PTPRJ: variants seen among roughly 807,000 people sequenced by gnomAD.
PTPRJ encodes protein tyrosine phosphatase receptor type J.
A neutral mutation model predicts 141.3 loss-of-function variants in PTPRJ; 129 were observed. That is an observed-to-expected ratio of 0.91 (90% CI 0.79 to 1.06). The LOEUF is 1.06. PTPRJ is among the 50% of genes least tolerant of loss of function. The pLI, the probability that PTPRJ is intolerant of heterozygous loss-of-function variation, is 0.00. For synonymous variants in PTPRJ, 610 were observed against 640.5 expected (o/e 0.95, Z 0.72); for missense variants, 1,601 against 1,679.7 (o/e 0.95, Z 0.82).
intron 1 of PTPRJ, among the ~76,000 whole-genome samples, chr11:48,102,979 C>T (rs191542337): frequency 9.9e-5 from 15 of 152,130 alleles, no homozygotes; most frequent in African/African-American, 2.4e-4. Context: ...GTTGCTAGAC[C>T]ATTCTGGGAC....
At chr11:48,046,906 ATATATATTTTTTTTTTT>A (rs1304773141) in intron 1 of PTPRJ, among the ~76,000 whole-genome samples, 1 of 84,294 alleles carries the variant, frequency 1.2e-5, no homozygotes, top group African/African-American at 8.7e-5. Context: ...ATATATATAT[ATATATATTTTTTTTTTT>A]TTTTTTTTTT....
At chr11:48,156,573 AGG>A (rs757557480) in intron 21 of PTPRJ, among the ~76,000 whole-genome samples, 1 of 24,832 alleles carries the variant, frequency 4.0e-5, no homozygotes, top group Admixed American at 3.6e-4. Context: ...CCTCCACCCC[AGG>A]GTTTTTTTTT....
intron 1 of PTPRJ, among the ~76,000 whole-genome samples, chr11:48,105,405 G>C (rs1033754199): frequency 7.2e-5 from 11 of 152,148 alleles, no homozygotes; most frequent in African/African-American, 2.7e-4. Context: ...AGCCTGGAGA[G>C]CTCCTAGGGG....
intron 1 of PTPRJ, among the ~76,000 whole-genome samples, chr11:47,983,613 C>T (rs13328902): frequency 0.016 from 2,510 of 152,266 alleles, 70 homozygotes; most frequent in African/African-American, 0.057. Context: ...GAGATGATTC[C>T]AACATGAGGA....
At chr11:48,045,610 G>A (rs899575785) in intron 1 of PTPRJ, among the ~76,000 whole-genome samples, 6 of 152,296 alleles carry the variant, frequency 3.9e-5, no homozygotes, top group South Asian at 2.1e-4. Context: ...CCCGCCTGTG[G>A]TTTTGAGCCC....
chr11:48,016,652 T>C (rs1261976373), intron 1 of PTPRJ, among the ~76,000 whole-genome samples: 4 of 152,180 alleles, frequency 2.6e-5, no homozygotes, highest in Non-Finnish European at 5.9e-5. Context: ...ATTTCTGCCC[T>C]GCCAGCCTCA....
chr11:48,082,175 G>C (rs778569730), intron 1 of PTPRJ, among the ~76,000 whole-genome samples: 3 of 152,226 alleles, frequency 2.0e-5, no homozygotes, highest in Non-Finnish European at 4.4e-5. Context: ...GCGATATGAG[G>C]AGCAGGGCAT....
At chr11:48,044,158 C>G (rs1854334883) in intron 1 of PTPRJ, among the ~76,000 whole-genome samples, 1 of 152,246 alleles carries the variant, frequency 6.6e-6, no homozygotes, top group African/African-American at 2.4e-5. Flanking sequence ...TGGCCTTGGC[C>G]CGCACAGCCT....
At chr11:48,116,170 C>T (rs1856562836) in intron 3 of PTPRJ, among the ~76,000 whole-genome samples, 1 of 151,518 alleles carries the variant, frequency 6.6e-6, no homozygotes, top group African/African-American at 2.4e-5. Context: ...ATGCTGTCTA[C>T]AAGAGACTCA....
chr11:48,017,606 AG>A (rs1271686120), intron 1 of PTPRJ, among the ~76,000 whole-genome samples: 1 of 152,160 alleles, frequency 6.6e-6, no homozygotes, highest in Non-Finnish European at 1.5e-5. Flanking sequence ...GTAGCATCTG[AG>A]GGCTAGCCAC....
intron 1 of PTPRJ, among the ~76,000 whole-genome samples, chr11:48,059,618 A>T (rs116602144): frequency 0.06 from 9,118 of 152,260 alleles, 751 homozygotes; most frequent in African/African-American, 0.19. Context: ...TGCACCTGGG[A>T]TAGAGCAGGA....
intron 1 of PTPRJ, among the ~76,000 whole-genome samples, chr11:48,069,562 G>A (rs369150055): frequency 1.7e-4 from 25 of 148,536 alleles, no homozygotes; most frequent in African/African-American, 5.5e-4. Flanking sequence ...CCATTCTCCT[G>A]CCTCAGCCTC....
rs532319660 is a variant in PTPRJ at position 48,062,339 on chromosome 11, C to A, written c.97-47719C>A. 1.1e-3 allele frequency among the ~76,000 whole-genome samples: 162 copies of A among 152,100 alleles called. 1 individual carries two copies. Among genetic ancestry groups the A allele is most frequent in the African/African-American group, 3.7e-3 (153 of 41,506 alleles). ...CCATCCTGGCTAAAACGGTGAAACC[C>A]CGTCTCTACTAAAAATACAAATAAT... On this transcript the variant is annotated intron_variant, in intron 1 of 24. Transcript: ENST00000418331.
intron 1 of PTPRJ, among the ~76,000 whole-genome samples, chr11:48,085,259 CTTT>C (rs35669006): frequency 2.2e-3 from 326 of 147,066 alleles, no homozygotes; most frequent in African/African-American, 4.7e-3. Flanking sequence ...ATCTCTCTCA[CTTT>C]TTTTTTTTTT....
intron 1 of PTPRJ, among the ~76,000 whole-genome samples, chr11:48,008,660 G>T (rs553183416): frequency 9.9e-5 from 15 of 151,700 alleles, no homozygotes; most frequent in African/African-American, 3.6e-4. Context: ...CGCCTCCCAG[G>T]TTCAAGCGAT....
At chr11:48,090,483 G>A (rs913562901) in intron 1 of PTPRJ, among the ~76,000 whole-genome samples, 3 of 152,128 alleles carry the variant, frequency 2.0e-5, no homozygotes, top group African/African-American at 7.2e-5. Context: ...GGTCAGAGCC[G>A]AGCACAGTGG....
chr11:47,995,552 A>ACAGAAAACAAGAG (rs1480102661), intron 1 of PTPRJ, among the ~76,000 whole-genome samples: 1 of 152,232 alleles, frequency 6.6e-6, no homozygotes, highest in Non-Finnish European at 1.5e-5. Context: ...TCCCAGAGCC[A>ACAGAAAACAAGAG]CAGAAAACAA....
chr11:48,060,914 TGC>T (rs1421695010), intron 1 of PTPRJ, among the ~76,000 whole-genome samples: 1 of 152,220 alleles, frequency 6.6e-6, no homozygotes, highest in Non-Finnish European at 1.5e-5. Context: ...TGCTCTTGTG[TGC>T]AGTGTGCTGC....
chr11:48,009,256 A>G (rs1414842773), intron 1 of PTPRJ, among the ~76,000 whole-genome samples: 2 of 152,210 alleles, frequency 1.3e-5, no homozygotes, highest in Non-Finnish European at 2.9e-5. Context: ...TGTTTATGCT[A>G]TAAGAAATTT....
Sources: gnomAD v4.1 joint callset for allele counts (sites outside exome capture counted in the v4.1 genomes callset) on GRCh38, gnomAD v4.1.1 for gene constraint, MANE v1.5 for transcripts, NCBI Gene and HGNC (gene_info 2026-07-23, HGNC 2026-07-21) for gene names.